The following ABCA9 variants were observed in gnomAD, a reference collection of about 807,000 sequenced individuals.
ABCA9 encodes the protein ATP binding cassette subfamily A member 9, also known as ATP-binding cassette sub-family A member 9.
ABCA9 carries 183 observed loss-of-function variants against 205.3 expected under a neutral mutation model. The ratio of observed to expected loss-of-function variants is 0.89; its 90% CI spans 0.79 to 1.01. The LOEUF (loss-of-function observed/expected upper bound fraction) is 1.01. Among genes scored for constraint, ABCA9 ranks in the 50% least tolerant of loss-of-function variants. The pLI is 0.00. For synonymous variants in ABCA9, 651 were observed against 683.3 expected, an observed-to-expected ratio of 0.95 and a Z score of 0.74; for missense variants, 1,805 against 1,912.4, an observed-to-expected ratio of 0.94 and a Z score of 1.05.
In ABCA9 at chr17:69,043,552, G is replaced by A; in HGVS notation, c.737C>T (p.Thr246Ile). Reference protein sequence around the residue: ...TFIYYVSVNVTQERQYITSLM... With the variant: ...TFIYYVSVNVIQERQYITSLM... ...TGACGTAATGTATTGTCTTTCTTGT[G>A]TAACATTGACTGATACATAGTATAT... Residue 246 changes from threonine to isoleucine, a missense_variant, in exon 6 of 39, where the codon ACA becomes ATA. By Grantham distance (89) the Thr-to-Ile change is moderately conservative. Transcript: ENST00000340001. The A allele has an allele frequency of 6.2e-7, 1 of 1,611,022 alleles. No individual in the cohort carries two copies. The highest frequency in any genetic ancestry group is 8.5e-7 in the Non-Finnish European group (1 of 1,178,802).
chr17:69,069,645 T>C, the ABCA9 span, among the ~76,000 whole-genome samples: 1 of 150,626 alleles, frequency 6.6e-6, no homozygotes. Flanking sequence ...GAGTAAAGCC[T>C]GCACTAGATC....
intron 25 of ABCA9, among the ~76,000 whole-genome samples, chr17:69,004,236 C>T (rs916982583): frequency 1.3e-5 from 2 of 152,152 alleles, no homozygotes; most frequent in African/African-American, 4.8e-5. Context: ...GTTTTTTCCC[C>T]ATCTTTGTGG....
At chr17:69,047,222 G>C (rs1002592588) in intron 3 of ABCA9, among the ~76,000 whole-genome samples, 1 of 150,758 alleles carries the variant, frequency 6.6e-6, no homozygotes, top group South Asian at 2.1e-4. Flanking sequence ...CTCCCAAAGT[G>C]CTGGAATTAC....
chr17:69,041,711 TAAAAA>T (rs5821697), intron 6 of ABCA9, among the ~76,000 whole-genome samples: 2 of 151,502 alleles, frequency 1.3e-5, no homozygotes, highest in African/African-American at 4.9e-5. Flanking sequence ...CTCAAAAAAA[TAAAAA>T]AAAAGAAAGA....
At chr17:68,994,029 C>G (rs1407153422) in intron 26 of ABCA9, among the ~76,000 whole-genome samples, 1 of 152,162 alleles carries the variant, frequency 6.6e-6, no homozygotes, top group Non-Finnish European at 1.5e-5. Context: ...GCACCCAATA[C>G]CATGCCCTGC....
At chr17:68,981,528 C>T (rs895189148) in intron 37 of ABCA9, among the ~76,000 whole-genome samples, 5 of 152,034 alleles carry the variant, frequency 3.3e-5, no homozygotes, top group Admixed American at 1.3e-4. Flanking sequence ...ATGTGAAAAA[C>T]GGCCACATAG....
chr17:69,053,610 T>G (rs1196064858), intron 1 of ABCA9, among the ~76,000 whole-genome samples: 2 of 151,890 alleles, frequency 1.3e-5, no homozygotes, highest in South Asian at 2.1e-4. Context: ...TACACACAGC[T>G]GAGAAAAGAA....
chr17:68,984,285 C>G lies in ABCA9; in HGVS notation c.4380-110G>C, dbSNP rs541193696. The G allele has an allele frequency of 4.4e-5, 65 of 1,481,856 alleles. No individual in the cohort carries two copies. In the East Asian group the frequency reaches 1.4e-3, roughly 33 times the overall value. 91.8% of individuals were successfully genotyped at this position (1,481,856 alleles called of 1,614,324 possible). ...AGATGAAACATGCAGCGAATTCAGA[C>G]TAGACAAAAAAGGGGTGTGTGTAGG... is the stretch of plus-strand genomic sequence containing the variant. On this transcript the variant is annotated intron_variant, in intron 34 of 38. Coordinates refer to ENST00000340001, the MANE Select transcript of ABCA9 (RefSeq NM_080283.4).
At chr17:69,004,078 T>C in intron 25 of ABCA9, among the ~76,000 whole-genome samples, 1 of 152,226 alleles carries the variant, frequency 6.6e-6, no homozygotes, top group East Asian at 1.9e-4. Context: ...TTCCCGTAGC[T>C]CAGAGTAATT....
Position 68,975,895 on chromosome 17 carries a change from G to T in ABCA9, c.*20C>A. The T allele has an allele frequency of 1.3e-6, 2 of 1,564,018 alleles. No individual in the cohort carries two copies. The highest frequency in any genetic ancestry group is 1.8e-6 in the Non-Finnish European group (2 of 1,138,518). On this transcript the variant is annotated 3_prime_UTR_variant, in exon 39 of 39. Coordinates refer to ENST00000340001, the MANE Select transcript of ABCA9 (RefSeq NM_080283.4). The stretch of plus-strand genomic sequence containing the variant: ...TAAAAGAGTCACAGGATTAAAGAAA[G>T]ATATAGGGTATTTGGAGCTTTAAGG...
intron 3 of ABCA9, among the ~76,000 whole-genome samples, chr17:69,046,722 A>T (rs2071716704): frequency 2.0e-5 from 3 of 151,520 alleles, no homozygotes; most frequent in Admixed American, 2.0e-4. Flanking sequence ...CACACTCAAG[A>T]CAAGAAGTAT....
At chr17:69,026,913 C>A in intron 15 of ABCA9, 63 bp downstream of exon 15, 1 of 1,574,812 alleles carries the variant, frequency 6.3e-7, no homozygotes, top group Non-Finnish European at 8.7e-7. Flanking sequence ...TGGAGCATAC[C>A]TGTTCATATT....
Position 68,986,965 on chromosome 17 carries a change from C to T in ABCA9, c.4048-641G>A, listed in dbSNP as rs545520960. Among the ~76,000 whole-genome samples the T allele has an allele frequency of 3.9e-5, 6 of 152,226 alleles. No homozygotes were observed. In the South Asian group the frequency reaches 6.2e-4, roughly 16 times the overall value. On this transcript the variant is annotated intron_variant, in intron 31 of 38. Coordinates refer to ENST00000340001, the MANE Select transcript of ABCA9 (RefSeq NM_080283.4). ...AAAACTTTTAGCACTGTATCTAGCC[C>T]GTAGGAACCAATATACACATGATAG...
chr17:69,015,154 T>C (rs1436633396), intron 22 of ABCA9, among the ~76,000 whole-genome samples: 1 of 148,856 alleles, frequency 6.7e-6, no homozygotes, highest in Admixed American at 6.6e-5. Context: ...CTCCCTTTTC[T>C]ATTCCATGTG....
chr17:69,024,087 T>C, intron 17 of ABCA9, 127 bp downstream of exon 17: 3 of 1,030,828 alleles, frequency 2.9e-6, no homozygotes, highest in Non-Finnish European at 4.2e-6. Context: ...GAGTTGGGAA[T>C]ATTAAATGAG....
At chr17:69,020,119 T>C (rs1414801035) in intron 19 of ABCA9, 5 of 347,082 alleles carry the variant, frequency 1.4e-5, no homozygotes, top group African/African-American at 8.6e-5. Context: ...AGTACTAATA[T>C]CCACGTGCTT....
In ABCA9 at chr17:68,992,178, A is replaced by C; in HGVS notation, c.3713T>G (p.Phe1238Cys). The C allele has an allele frequency of 6.3e-7, 1 of 1,576,514 alleles. No homozygotes were observed. Among genetic ancestry groups the C allele is most frequent in the Non-Finnish European group, 8.6e-7 (1 of 1,159,980 alleles). Residue 1238 changes from phenylalanine to cysteine, a missense_variant, in exon 28 of 39, where the codon TTC becomes TGC. Phe to Cys is a radical substitution (Grantham distance 205). Transcript: ENST00000340001. ...AATTCGATTTGATTTTCTCAACCTG[A>C]ACACAGGATCCTTTCTCATTAGTTT... is the stretch of plus-strand genomic sequence containing the variant. Reference protein sequence around the residue: ...RKKLMRKDPVFRISPRSNAIF... With the variant: ...RKKLMRKDPVCRISPRSNAIF...
chr17:69,072,686 T>C, the ABCA9 span, among the ~76,000 whole-genome samples: 1 of 151,248 alleles, frequency 6.6e-6, no homozygotes, highest in Non-Finnish European at 1.5e-5. Context: ...AGAAACTGCA[T>C]CAACTGATGG....
chr17:69,070,084 T>G, the ABCA9 span, among the ~76,000 whole-genome samples: 1 of 152,130 alleles, frequency 6.6e-6, no homozygotes. Context: ...CAAATTTACA[T>G]TTATAAAGCA....
Sources: allele counts gnomAD v4.1 joint callset (sites outside exome capture counted in the v4.1 genomes callset), GRCh38; gene constraint gnomAD v4.1.1; transcripts MANE v1.5; gene names NCBI Gene and HGNC (gene_info 2026-07-23, HGNC 2026-07-21).